Variants in GALNTL6 observed in about 807,000 individuals in gnomAD.
The protein encoded by GALNTL6 is polypeptide N-acetylgalactosaminyltransferase-like 6.
A neutral mutation model predicts 73.7 loss-of-function variants in GALNTL6; 46 were observed. The ratio of observed to expected loss-of-function variants is 0.62; its 90% confidence interval spans 0.49 to 0.80. The LOEUF is 0.80. Ranked by LOEUF, GALNTL6 falls within the 30% of genes least tolerant of loss-of-function variation. The probability of loss-of-function intolerance (pLI) is 0.00; values close to 1 mark genes in which losing one functional copy is unlikely to be tolerated. For synonymous variants in GALNTL6, 259 were observed against 263.7 expected (o/e 0.98, Z 0.17); for missense variants, 604 against 755.0 (o/e 0.80, Z 2.34).
At chr4:172,436,903 TC>T in intron 5 of GALNTL6, among the ~76,000 whole-genome samples, 1 of 152,150 alleles carries the variant, frequency 6.6e-6, no homozygotes. Context: ...GGATTTGCAG[TC>T]TAGCTGTTCT....
intron 12 of GALNTL6, among the ~76,000 whole-genome samples, chr4:173,025,000 A>T (rs1266792642): frequency 2.0e-5 from 3 of 152,148 alleles, no homozygotes; most frequent in Non-Finnish European, 1.5e-5. Flanking sequence ...CCTCCCAGCT[A>T]CATGGAGATA....
chr4:172,057,459 C>A (rs1312375249), intron 2 of GALNTL6, among the ~76,000 whole-genome samples: 1 of 151,082 alleles, frequency 6.6e-6, no homozygotes, highest in Non-Finnish European at 1.5e-5. Context: ...GAGGCCAAAG[C>A]GGGAGGATCA....
intron 3 of GALNTL6, among the ~76,000 whole-genome samples, chr4:172,270,390 C>T (rs762004785): frequency 7.2e-5 from 11 of 152,064 alleles, no homozygotes; most frequent in Non-Finnish European, 8.8e-5. Context: ...CCTCTTTTAG[C>T]CTAGTCTTAT....
intron 5 of GALNTL6, among the ~76,000 whole-genome samples, chr4:172,801,582 GA>G (rs1320264506): frequency 6.6e-6 from 1 of 152,018 alleles, no homozygotes; most frequent in African/African-American, 2.4e-5. Context: ...CTAAACCTGG[GA>G]AAAAGCTTTC....
At chr4:172,113,497 A>G (rs1388214403) in intron 2 of GALNTL6, among the ~76,000 whole-genome samples, 1 of 152,036 alleles carries the variant, frequency 6.6e-6, no homozygotes, top group Non-Finnish European at 1.5e-5. Context: ...ACTATATAAA[A>G]TGTTACAATG....
chr4:172,835,981 C>A (rs1742892093), intron 7 of GALNTL6, among the ~76,000 whole-genome samples: 1 of 152,174 alleles, frequency 6.6e-6, no homozygotes, highest in African/African-American at 2.4e-5. Flanking sequence ...GAAGAGTGAA[C>A]CTCCACCTGC....
At position 172,952,165 on chromosome 4, in the gene GALNTL6, G is replaced by A; in HGVS notation, c.1278G>A (p.Lys426=). The A allele has an allele frequency of 6.2e-7, 1 of 1,614,104 alleles. No homozygotes were observed. Residue 426 remains lysine, a synonymous_variant, in exon 10 of 13, where the codon AAG becomes AAA. Transcript: ENST00000506823. ...SAQKELRKQL[K]CKDFKWFMAA... is the part of the protein sequence containing the mutation. ...AGAAGGAGCTGCGCAAGCAGCTCAA[G>A]TGCAAGGACTTCAAATGGTTCATGG...
intron 3 of GALNTL6, among the ~76,000 whole-genome samples, chr4:172,253,711 A>G (rs1737959792): frequency 6.6e-6 from 1 of 151,800 alleles, no homozygotes; most frequent in South Asian, 2.1e-4. Flanking sequence ...TTTCTCTGGG[A>G]CTCCAAGAGT....
At position 172,631,272 on chromosome 4, in the gene GALNTL6, G is replaced by T. The variant is rs185114853; in HGVS notation, c.554-178089G>T. Among the ~76,000 whole-genome samples the T allele has an allele frequency of 2.7e-3, 412 of 151,998 alleles. 1 individual carries two copies. Among genetic ancestry groups the T allele is most frequent in the Non-Finnish European group, 4.7e-3 (322 of 67,992 alleles). On this transcript the variant is annotated intron_variant, in intron 5 of 12. Transcript: ENST00000506823. ...CAATTCTTCTTCTTCAGACTCCCGA[G>T]TAGCTGAGACTACAGGCACACACCA...
intron 2 of GALNTL6, among the ~76,000 whole-genome samples, chr4:172,160,902 A>G (rs1734441354): frequency 1.9e-5 from 1 of 53,920 alleles, no homozygotes; most frequent in Non-Finnish European, 4.0e-5. Flanking sequence ...ACACACACAC[A>G]CACACACATA....
intron 5 of GALNTL6, among the ~76,000 whole-genome samples, chr4:172,540,779 T>C (rs1389426200): frequency 6.6e-6 from 1 of 152,100 alleles, no homozygotes; most frequent in Non-Finnish European, 1.5e-5. Context: ...AGACCTGAAG[T>C]CAATAGAAAG....
intron 2 of GALNTL6, among the ~76,000 whole-genome samples, chr4:172,011,054 G>T (rs1248484622): frequency 6.6e-6 from 1 of 152,032 alleles, no homozygotes; most frequent in Non-Finnish European, 1.5e-5. Flanking sequence ...ACTACTATAA[G>T]AAATTTTAAT....
intron 5 of GALNTL6, among the ~76,000 whole-genome samples, chr4:172,754,233 T>TGC (rs1290227390): frequency 6.6e-6 from 1 of 152,158 alleles, no homozygotes; most frequent in African/African-American, 2.4e-5. Flanking sequence ...GTAAGTAGTA[T>TGC]ACACACATAC....
chr4:171,963,604 A>G (rs1309082642), intron 2 of GALNTL6, among the ~76,000 whole-genome samples: 1 of 152,216 alleles, frequency 6.6e-6, no homozygotes, highest in Non-Finnish European at 1.5e-5. Context: ...TATATGAAGT[A>G]GAAAGTTAAG....
At chr4:171,914,954 A>G (rs979715652) in intron 2 of GALNTL6, among the ~76,000 whole-genome samples, 2 of 152,020 alleles carry the variant, frequency 1.3e-5, no homozygotes, top group Non-Finnish European at 1.5e-5. Flanking sequence ...TGTTGGTATA[A>G]TAGATATCAG....
rs188629394 is a variant in GALNTL6 at position 172,316,689 on chromosome 4, T to C, written c.386+4937T>C. On this transcript the variant is annotated intron_variant, in intron 4 of 12. Coordinates refer to ENST00000506823, the MANE Select transcript of GALNTL6 (RefSeq NM_001034845.3). Reference sequence around the variant, plus strand: ...TGTAGTTTCAGAACCATTTGAGAGATAGCCCCAGAAACGATTTGCTATGAA... The same window carrying C: ...TGTAGTTTCAGAACCATTTGAGAGACAGCCCCAGAAACGATTTGCTATGAA... Among the ~76,000 whole-genome samples, 11 of 152,336 alleles carry C rather than the reference T, an allele frequency of 7.2e-5. No homozygotes were observed. In the East Asian group the frequency reaches 9.7e-4, roughly 13 times the overall value.
chr4:172,949,895 T>G (rs551383775), intron 9 of GALNTL6, among the ~76,000 whole-genome samples: 1 of 136,082 alleles, frequency 7.3e-6, no homozygotes, highest in Non-Finnish European at 1.5e-5. Flanking sequence ...GGCAACACAG[T>G]GAGACTCTGT....
intron 5 of GALNTL6, among the ~76,000 whole-genome samples, chr4:172,801,973 T>C (rs1396230694): frequency 6.6e-6 from 1 of 152,214 alleles, no homozygotes; most frequent in Non-Finnish European, 1.5e-5. Context: ...TCCCACTGAA[T>C]TGGTTGCCAT....
chr4:172,955,216 G>A (rs538888072), intron 10 of GALNTL6, among the ~76,000 whole-genome samples: 41 of 152,228 alleles, frequency 2.7e-4, no homozygotes, highest in Admixed American at 2.4e-3. Context: ...GGTGGTTCAC[G>A]CCTGTAATCC....
Sources: allele counts gnomAD v4.1 joint callset (sites outside exome capture counted in the v4.1 genomes callset), GRCh38; gene constraint gnomAD v4.1.1; transcripts MANE v1.5; gene names NCBI Gene and HGNC (gene_info 2026-07-23, HGNC 2026-07-21).